Variants in UNC5C observed in about 807,000 individuals in gnomAD.
The protein encoded by UNC5C is netrin receptor UNC5C.
UNC5C carries 47 observed loss-of-function variants against 99.8 expected under a neutral mutation model. The ratio of observed to expected loss-of-function variants is 0.47; its 90% confidence interval spans 0.37 to 0.60. The LOEUF (loss-of-function observed/expected upper bound fraction) is 0.60. Ranked by LOEUF, UNC5C falls within the 20% of genes least tolerant of loss-of-function variation. The probability of loss-of-function intolerance (pLI) is 0.00; values close to 1 mark genes in which losing one functional copy is unlikely to be tolerated. For missense variants in UNC5C, 1,062 were observed against 1,165.9 expected, an observed-to-expected ratio of 0.91 and a Z score of 1.30; for synonymous variants, 487 against 452.2, an observed-to-expected ratio of 1.08 and a Z score of -0.98.
chr4:95,402,816 A>T (rs917800160), intron 1 of UNC5C, among the ~76,000 whole-genome samples: 1 of 152,194 alleles, frequency 6.6e-6, no homozygotes, highest in African/African-American at 2.4e-5. Context: ...GTTCCTTGGC[A>T]GCAATTTCTT....
At chr4:95,189,700 C>G (rs1333755871) in intron 12 of UNC5C, among the ~76,000 whole-genome samples, 2 of 150,774 alleles carry the variant, frequency 1.3e-5, no homozygotes, top group Non-Finnish European at 2.9e-5. Flanking sequence ...AGACACTTCT[C>G]AAAAGAAGAC....
intron 2 of UNC5C, among the ~76,000 whole-genome samples, chr4:95,304,410 G>GCCATTAACA (rs1370169987): frequency 2.6e-5 from 4 of 151,990 alleles, no homozygotes; most frequent in Admixed American, 2.6e-4. Flanking sequence ...ACAATCCTAG[G>GCCATTAACA]CCATTAACAA....
chr4:95,179,440 T>TTG (rs1736512480), intron 14 of UNC5C, among the ~76,000 whole-genome samples: 1 of 152,158 alleles, frequency 6.6e-6, no homozygotes, highest in South Asian at 2.1e-4. Flanking sequence ...TACCTATAAA[T>TTG]CTATTATTAA....
chr4:95,400,102 C>T (rs1314463968), intron 1 of UNC5C, among the ~76,000 whole-genome samples: 1 of 152,162 alleles, frequency 6.6e-6, no homozygotes, highest in African/African-American at 2.4e-5. Flanking sequence ...AACATTGTCA[C>T]GGTGAACACA....
chr4:95,272,599 G>A (rs568296470), intron 4 of UNC5C, among the ~76,000 whole-genome samples: 4 of 152,292 alleles, frequency 2.6e-5, no homozygotes, highest in East Asian at 1.9e-4. Context: ...TGACTTTGGC[G>A]AATGTTGATT....
chr4:95,515,814 T>G (rs928453213), intron 1 of UNC5C, among the ~76,000 whole-genome samples: 4 of 152,208 alleles, frequency 2.6e-5, no homozygotes, highest in African/African-American at 9.6e-5. Context: ...TGACATCATA[T>G]TTTCCTATTT....
chr4:95,531,117 A>T (rs1258847765), intron 1 of UNC5C, among the ~76,000 whole-genome samples: 1 of 152,210 alleles, frequency 6.6e-6, no homozygotes, highest in Non-Finnish European at 1.5e-5. Flanking sequence ...AGAAAGACTA[A>T]GTTAACTTGC....
In UNC5C at chr4:95,415,109, C is replaced by CAG. The variant is rs942589766; in HGVS notation, c.125-79480_125-79479dup. Among the ~76,000 whole-genome samples, 10 of 152,196 alleles carry CAG rather than the reference C, an allele frequency of 6.6e-5. No individual in the cohort carries two copies. In the East Asian group the frequency reaches 1.2e-3, roughly 18 times the overall value. ...CTGGATACTTTAGCCAGAGCTGTCA[C>CAG]AGACTCCTTTAACTCTTAAAGGGAT... On this transcript the variant is annotated intron_variant, in intron 1 of 15. Transcript: ENST00000453304.
chr4:95,308,971 C>T (rs1204133546), intron 2 of UNC5C, among the ~76,000 whole-genome samples: 1 of 152,092 alleles, frequency 6.6e-6, no homozygotes, highest in South Asian at 2.1e-4. Context: ...CCCTGAATAG[C>T]TAATGCAATC....
chr4:95,357,175 A>C (rs28440878), intron 1 of UNC5C, among the ~76,000 whole-genome samples: 88,334 of 150,532 alleles, frequency 0.59, 27,641 homozygotes, highest in African/African-American at 0.8. Flanking sequence ...ACTCTGTGAC[A>C]TAGAAGGCTG....
intron 1 of UNC5C, among the ~76,000 whole-genome samples, chr4:95,495,561 T>A (rs575657648): frequency 6.6e-6 from 1 of 151,780 alleles, no homozygotes; most frequent in East Asian, 1.9e-4. Flanking sequence ...TAACTCCACA[T>A]AGATGATTTC....
chr4:95,454,110 C>T (rs188801348), intron 1 of UNC5C, among the ~76,000 whole-genome samples: 11 of 151,786 alleles, frequency 7.2e-5, no homozygotes, highest in African/African-American at 2.7e-4. Context: ...TGTGAGTGCA[C>T]AAAAAAACCA....
intron 10 of UNC5C, 134 bp downstream of exon 10, chr4:95,215,990 G>A: frequency 1.6e-6 from 1 of 619,664 alleles, no homozygotes; most frequent in South Asian, 2.4e-5. Flanking sequence ...CCTTTTGTAG[G>A]TCAAGGGAAA....
At chr4:95,194,635 T>C (rs1053887808) in intron 12 of UNC5C, among the ~76,000 whole-genome samples, 1 of 152,154 alleles carries the variant, frequency 6.6e-6, no homozygotes, top group Non-Finnish European at 1.5e-5. Flanking sequence ...TCATATCCCT[T>C]TCTGACCATA....
At chr4:95,263,576 T>C (rs1740325114) in intron 4 of UNC5C, among the ~76,000 whole-genome samples, 1 of 152,158 alleles carries the variant, frequency 6.6e-6, no homozygotes, top group Non-Finnish European at 1.5e-5. Context: ...ATGCTGCACT[T>C]TCACAGAAGC....
chr4:95,316,460 AG>A (rs1231920310), intron 2 of UNC5C, among the ~76,000 whole-genome samples: 3 of 152,108 alleles, frequency 2.0e-5, no homozygotes, highest in African/African-American at 7.2e-5. Flanking sequence ...GGCGCTTCGG[AG>A]CTGACCGCAG....
At chr4:95,540,000 T>C (rs1722876490) in intron 1 of UNC5C, among the ~76,000 whole-genome samples, 1 of 152,030 alleles carries the variant, frequency 6.6e-6, no homozygotes, top group African/African-American at 2.4e-5. Flanking sequence ...TCTATACAGA[T>C]TTATATATGT....
chr4:95,312,716 C>T (rs1258677070), intron 2 of UNC5C, among the ~76,000 whole-genome samples: 7 of 152,136 alleles, frequency 4.6e-5, no homozygotes, highest in Non-Finnish European at 8.8e-5. Flanking sequence ...GTTCCATGGT[C>T]AAACAAGCTT....
At chr4:95,230,181 C>T (rs1738857779) in intron 7 of UNC5C, among the ~76,000 whole-genome samples, 1 of 152,104 alleles carries the variant, frequency 6.6e-6, no homozygotes, top group South Asian at 2.1e-4. Context: ...TTTCGATTTG[C>T]ATTTCTCTAA....
Sources: gnomAD v4.1 joint callset for allele counts (sites outside exome capture counted in the v4.1 genomes callset) on GRCh38, gnomAD v4.1.1 for gene constraint, MANE v1.5 for transcripts, NCBI Gene and HGNC (gene_info 2026-07-23, HGNC 2026-07-21) for gene names.